CYB5R2: variants seen among roughly 807,000 people sequenced by gnomAD.
The protein encoded by CYB5R2 is NADH-cytochrome b5 reductase 2.
In CYB5R2, 35 loss-of-function variants were observed where a neutral mutation model predicts 29.8. The observed-to-expected ratio is 1.17, with a 90% CI of 0.90 to 1.56. The LOEUF (loss-of-function observed/expected upper bound fraction) is 1.56, where lower values mean the gene tolerates loss of function less well. Ranked by LOEUF, CYB5R2 falls within the 40% of genes most tolerant of loss-of-function variation. The pLI, the probability that CYB5R2 is intolerant of heterozygous loss-of-function variation, is 0.00. For synonymous variants in CYB5R2, 169 were observed against 130.6 expected (o/e 1.29, Z -2.01); for missense variants, 419 against 346.7 (o/e 1.21, Z -1.66).
intron 3 of CYB5R2, chr11:7,670,406 G>A (rs1229999281): frequency 6.6e-6 from 1 of 152,276 alleles, no homozygotes; most frequent in African/African-American, 2.4e-5. Context: ...AAAAATATGT[G>A]GCCTTCACAA....
intron 8 of CYB5R2, 36 bp from the exon 9 acceptor site, chr11:7,665,582 T>C: frequency 6.4e-7 from 1 of 1,558,892 alleles, no homozygotes; most frequent in Non-Finnish European, 8.7e-7. Context: ...AGCTGAGCGA[T>C]GCCAGGTGGA....
upstream of CYB5R2, chr11:7,674,163 A>T: frequency 8.1e-7 from 1 of 1,232,996 alleles, no homozygotes; most frequent in Non-Finnish European, 1.0e-6. Flanking sequence ...GCGGAGGGGG[A>T]TGCTGGGGAA....
chr11:7,665,861 G>C, intron 8 of CYB5R2: 1 of 1,536,104 alleles, frequency 6.5e-7, no homozygotes, highest in Non-Finnish European at 8.7e-7. Context: ...AGCTGGAGTT[G>C]TCCGGCAGGG....
rs188062300 is a variant in CYB5R2 at position 7,668,533 on chromosome 11, C to T, written c.417G>A (p.Thr139=). 1.8e-5 allele frequency: 29 copies of T among 1,614,066 alleles called. No homozygotes were observed. The highest frequency in any genetic ancestry group is 6.7e-5 in the African/African-American group (5 of 75,030). The part of the protein sequence containing the change: ...PGNLGIRPDQ[T]SEPKKTLADH... Reference sequence around the variant, plus strand: ...CGGCCAGTGTTTTTTTAGGCTCACTCGTCTGGTCTGGTCTGATTCCAAGAT... The same window carrying T: ...CGGCCAGTGTTTTTTTAGGCTCACTTGTCTGGTCTGGTCTGATTCCAAGAT... Residue 139 remains threonine, a synonymous_variant, in exon 6 of 9, where the codon ACG becomes ACA. Coordinates refer to ENST00000299498, the MANE Select transcript of CYB5R2 (RefSeq NM_016229.5).
Position 7,668,694 on chromosome 11 carries a change from A to C in CYB5R2, c.389-133T>G, listed in dbSNP as rs535265583. 3.8e-5 allele frequency: 30 copies of C among 785,688 alleles called. No homozygotes were observed. In the East Asian group the frequency reaches 6.5e-4, roughly 17 times the overall value. The allele number at this position is 785,688 out of a possible 1,614,324, so 48.7% of individuals were successfully genotyped here. A position where few individuals can be genotyped will look rare whatever the true frequency, so the allele number is the denominator to read the frequency against. On this transcript the variant is annotated intron_variant, in intron 5 of 8. Coordinates refer to ENST00000299498, the MANE Select transcript of CYB5R2 (RefSeq NM_016229.5). ...CTGTCTGCACCATTTTAAGCTGGAG[A>C]AGCAGGCCAGGGCAGTCTCCTCAGC...
Position 7,669,211 on chromosome 11 carries a change from C to T in CYB5R2, c.382G>A (p.Gly128Arg). 3 of 1,614,108 alleles carry T rather than the reference C, an allele frequency of 1.9e-6. No individual in the cohort carries two copies. Among genetic ancestry groups the T allele is most frequent in the South Asian group, 1.1e-5 (1 of 91,072 alleles). ...RGPRGRLFYH[G>R]PGNLGIRPDQ... ...GTATTAACCCCTCCAGTACCTGGCC[C>T]ATGGTAAAACAAGCGTCCCCTTGGC... is the stretch of plus-strand genomic sequence containing the variant. The change falls in exon 5 of 9, where the codon GGG becomes AGG. Residue 128 changes from glycine (G) to arginine (R), a missense_variant. Gly to Arg is a moderately radical substitution (Grantham distance 125). Coordinates refer to ENST00000299498, the MANE Select transcript of CYB5R2 (RefSeq NM_016229.5).
chr11:7,665,763 G>A, intron 8 of CYB5R2: 3 of 1,405,000 alleles, frequency 2.1e-6, no homozygotes, highest in Non-Finnish European at 2.9e-6. Flanking sequence ...CAGGGACCCT[G>A]AAGCCCTGCT....
chr11:7,668,798 G>GA (rs1321239851), intron 5 of CYB5R2: 1 of 597,886 alleles, frequency 1.7e-6, no homozygotes, highest in African/African-American at 1.9e-5. Flanking sequence ...CTGTTCTGAG[G>GA]AAAAAGAGGG....
At position 7,669,194 on chromosome 11, in the gene CYB5R2, C is replaced by G. The variant is rs905272059; in HGVS notation, c.388+11G>C. 3.7e-6 allele frequency: 6 copies of G among 1,613,996 alleles called. No individual in the cohort carries two copies. In the African/African-American group the frequency reaches 6.7e-5, roughly 18 times the overall value. ...CCCAGCTGGGAGCCCAAGTATTAACCCCTCCAGTACCTGGCCCATGGTAAA... is the reference window on the plus strand; with the variant it reads ...CCCAGCTGGGAGCCCAAGTATTAACGCCTCCAGTACCTGGCCCATGGTAAA... On this transcript the variant is annotated intron_variant, in intron 5 of 8. Coordinates refer to ENST00000299498, the MANE Select transcript of CYB5R2 (RefSeq NM_016229.5).
At chr11:7,665,828 G>C in intron 8 of CYB5R2, 1 of 1,533,166 alleles carries the variant, frequency 6.5e-7, no homozygotes, top group East Asian at 2.4e-5. Context: ...GAGGTATACC[G>C]AGGTGTGTGA....
At chr11:7,674,064 C>T (rs759121502), upstream of CYB5R2, 19 of 1,191,696 alleles carry the variant, frequency 1.6e-5, no homozygotes, top group Non-Finnish European at 1.9e-5. Context: ...CATCCTGGCC[C>T]CTTCCCTGCA....
chr11:7,671,356 G>A (rs1302355415), intron 3 of CYB5R2: 1 of 152,310 alleles, frequency 6.6e-6, no homozygotes, highest in Admixed American at 6.5e-5. Flanking sequence ...GAACTCTGAG[G>A]CCTCATATTA....
intron 6 of CYB5R2, 113 bp downstream of exon 6, chr11:7,668,365 T>A (rs571816307): frequency 1.2e-6 from 1 of 855,652 alleles, no homozygotes; most frequent in South Asian, 1.3e-5. Flanking sequence ...GTTCCCACCT[T>A]CTACAGCTGG....
intron 7 of CYB5R2, chr11:7,667,177 G>T (rs1428838293): frequency 6.6e-6 from 1 of 152,136 alleles, no homozygotes; most frequent in Non-Finnish European, 1.5e-5. Context: ...AAGTAATCAA[G>T]CGTAGGCACA....
chr11:7,665,725 G>GCAAT (rs1855106807), intron 8 of CYB5R2, 179 bp from the exon 9 acceptor site: 4 of 1,187,012 alleles, frequency 3.4e-6, no homozygotes, highest in Non-Finnish European at 4.7e-6. Flanking sequence ...GCCCTCTGCA[G>GCAAT]CAATCACCCC....
chr11:7,667,739 AGAT>A lies in CYB5R2; in HGVS notation c.544_546del (p.Ile182del). 6.2e-7 allele frequency: 1 copy of A among 1,614,116 alleles called. No individual in the cohort carries two copies. The highest frequency in any genetic ancestry group is 1.1e-5 in the South Asian group (1 of 91,082). ...CAGCAGGAACTGACCTGGTTGGCAA[AGAT>A]GAGGGACATCCTGGTCCTGTCACTG... is the stretch of plus-strand genomic sequence containing the variant. On this transcript the variant is annotated inframe_deletion, in exon 7 of 9. Transcript: ENST00000299498.
chr11:7,673,375 C>G, intron 1 of CYB5R2, 44 bp downstream of exon 1: 1 of 1,000,212 alleles, frequency 1.0e-6, no homozygotes. Flanking sequence ...GGCCTGGGCA[C>G]TCAACTGCCA....
chr11:7,665,830 G>C, intron 8 of CYB5R2: 1 of 1,534,276 alleles, frequency 6.5e-7, no homozygotes, highest in South Asian at 1.2e-5. Flanking sequence ...GGTATACCGA[G>C]GTGTGTGAAT....
intron 7 of CYB5R2, chr11:7,666,963 G>C (rs1855302883): frequency 6.3e-6 from 1 of 159,544 alleles, no homozygotes; most frequent in African/African-American, 2.4e-5. Context: ...AATGGGCTCA[G>C]AAAGTCCTGT....
Sources: gnomAD v4.1 joint callset for allele counts on GRCh38, gnomAD v4.1.1 for gene constraint, MANE v1.5 for transcripts, NCBI Gene and HGNC (gene_info 2026-07-23, HGNC 2026-07-21) for gene names.